CYB5R4: variants seen among roughly 807,000 people sequenced by gnomAD.
CYB5R4 encodes cytochrome b5 reductase 4, also known as N-terminal cytochrome b5 and cytochrome b5 oxidoreductase domain-containing protein.
A neutral mutation model predicts 70.2 loss-of-function variants in CYB5R4; 55 were observed. The ratio of observed to expected loss-of-function variants is 0.78; its 90% CI spans 0.63 to 0.98. The LOEUF (loss-of-function observed/expected upper bound fraction) is 0.98. CYB5R4 is among the 50% of genes least tolerant of loss of function. The probability of loss-of-function intolerance (pLI) is 0.00; values close to 1 mark genes in which losing one functional copy is unlikely to be tolerated. For synonymous variants in CYB5R4, 197 were observed against 199.5 expected (o/e 0.99, Z 0.11); for missense variants, 562 against 612.6 (o/e 0.92, Z 0.87).
intron 10 of CYB5R4, among the ~76,000 whole-genome samples, chr6:83,925,334 G>GC (rs1018287966): frequency 2.6e-5 from 4 of 151,970 alleles, no homozygotes; most frequent in Non-Finnish European, 5.9e-5. Flanking sequence ...TGAAGGATCC[G>GC]CCCCCATGCT....
At position 83,917,976 on chromosome 6, in the gene CYB5R4, A is replaced by T. The variant is rs200538689; in HGVS notation, c.446-29A>T. On this transcript the variant is annotated intron_variant, in intron 5 of 15. Coordinates refer to ENST00000369681, the MANE Select transcript of CYB5R4 (RefSeq NM_016230.4). ...ACAAAAAGTTAAAAATACTTTGTAG[A>T]TGAACTATAGCTATCTTTCTTTGTA... The T allele has an allele frequency of 1.1e-5, 17 of 1,577,444 alleles. No individual in the cohort carries two copies. The Admixed American group carries it at 1.9e-4, about 18-fold the overall frequency.
At chr6:83,886,797 A>T (rs9362017) in intron 2 of CYB5R4, among the ~76,000 whole-genome samples, 24,020 of 152,170 alleles carry the variant, frequency 0.16, 3,756 homozygotes, top group African/African-American at 0.39. Flanking sequence ...TTTTTAATAA[A>T]TTTTAAAATT....
chr6:83,907,009 A>G (rs2099463875), intron 3 of CYB5R4, among the ~76,000 whole-genome samples: 4 of 152,182 alleles, frequency 2.6e-5, no homozygotes, highest in African/African-American at 7.2e-5. Context: ...CCTGGTACCT[A>G]CATCTTTATA....
At chr6:83,954,822 C>G (rs1459826813) in intron 14 of CYB5R4, among the ~76,000 whole-genome samples, 1 of 152,050 alleles carries the variant, frequency 6.6e-6, no homozygotes, top group African/African-American at 2.4e-5. Flanking sequence ...AAACGATCCT[C>G]CTGCCTCAGC....
chr6:83,892,457 T>C (rs939703898), intron 2 of CYB5R4, among the ~76,000 whole-genome samples: 1 of 152,204 alleles, frequency 6.6e-6, no homozygotes, highest in African/African-American at 2.4e-5. Context: ...TATTGCACTT[T>C]CGTGATGTCT....
chr6:83,901,946 G>A (rs2099463045), intron 3 of CYB5R4, among the ~76,000 whole-genome samples: 1 of 151,948 alleles, frequency 6.6e-6, no homozygotes, highest in Non-Finnish European at 1.5e-5. Flanking sequence ...TAAATAGAGT[G>A]CAGATATTTT....
chr6:83,860,649 T>C (rs1429766346), intron 1 of CYB5R4, among the ~76,000 whole-genome samples: 1 of 152,210 alleles, frequency 6.6e-6, no homozygotes, highest in Non-Finnish European at 1.5e-5. Flanking sequence ...TTGTGACACT[T>C]CCACTTAACT....
intron 14 of CYB5R4, among the ~76,000 whole-genome samples, chr6:83,949,457 T>TATA (rs1376745132): frequency 1.3e-5 from 2 of 152,192 alleles, no homozygotes; most frequent in African/African-American, 2.4e-5. Context: ...TGACCCTCTC[T>TATA]ATATCACTTT....
At position 83,924,562 on chromosome 6, in the gene CYB5R4, C is replaced by G; in HGVS notation, c.784C>G (p.His262Asp). Residue 262 changes from histidine (H) to aspartate (D), a missense_variant, in exon 10 of 16, where the codon CAT (histidine) becomes GAT (aspartate). His to Asp is a moderately conservative substitution (Grantham distance 81). Coordinates refer to ENST00000369681, the MANE Select transcript of CYB5R4 (RefSeq NM_016230.4). ...WDFLGHPLKN[H>D]NSLIPRKDTG... ...CTTTCTTGGCCATCCCCTGAAGAATCATAATTCACTTATTCCAAGGAAAGA... is the reference window on the plus strand; with the variant it reads ...CTTTCTTGGCCATCCCCTGAAGAATGATAATTCACTTATTCCAAGGAAAGA... 1 of 1,613,384 alleles carries G rather than the reference C, an allele frequency of 6.2e-7. No homozygotes were observed. The highest frequency in any genetic ancestry group is 8.5e-7 in the Non-Finnish European group (1 of 1,179,588).
Position 83,966,639 on chromosome 6 carries a change from C to T in CYB5R4, c.*6761C>T, listed in dbSNP as rs6902927. 0.068 allele frequency: 10,277 copies of T among 152,064 alleles called. 1,168 individuals are homozygous for T. Among genetic ancestry groups the T allele is most frequent in the African/African-American group, 0.23 (9,673 of 41,438 alleles). 9.4% of individuals were successfully genotyped at this position (152,064 alleles called of 1,614,324 possible). A position where few individuals can be genotyped will look rare whatever the true frequency, so the allele number is the denominator to read the frequency against. ...CCGGGAGGCGGAGGTTGCGGTGAGCCGAGATTGCACCTTTGCACTCCAGCC... is the reference window on the plus strand; with the variant it reads ...CCGGGAGGCGGAGGTTGCGGTGAGCTGAGATTGCACCTTTGCACTCCAGCC... On this transcript the variant is annotated 3_prime_UTR_variant, in exon 16 of 16. Transcript: ENST00000369681.
At chr6:83,885,459 G>T (rs1448539765) in intron 2 of CYB5R4, among the ~76,000 whole-genome samples, 1 of 152,204 alleles carries the variant, frequency 6.6e-6, no homozygotes, top group Non-Finnish European at 1.5e-5. Context: ...ATTAGTGGAT[G>T]TGTGGCCTGA....
chr6:83,935,788 A>G (rs1303461039), intron 11 of CYB5R4, among the ~76,000 whole-genome samples: 1 of 152,142 alleles, frequency 6.6e-6, no homozygotes, highest in African/African-American at 2.4e-5. Flanking sequence ...TTCTCCGCCA[A>G]ATGATCCCAT....
intron 2 of CYB5R4, among the ~76,000 whole-genome samples, chr6:83,868,922 A>G (rs1257004951): frequency 2.6e-5 from 4 of 152,220 alleles, no homozygotes; most frequent in Non-Finnish European, 4.4e-5. Flanking sequence ...TTGATACTCA[A>G]TAACAGTCCA....
intron 10 of CYB5R4, among the ~76,000 whole-genome samples, chr6:83,932,301 A>G (rs1335228933): frequency 6.6e-6 from 1 of 152,128 alleles, no homozygotes; most frequent in Non-Finnish European, 1.5e-5. Flanking sequence ...TGCTGTGTCA[A>G]CTCTCTAACA....
chr6:83,956,420 AT>A (rs2099472435), intron 15 of CYB5R4, among the ~76,000 whole-genome samples: 1 of 152,170 alleles, frequency 6.6e-6, no homozygotes, highest in African/African-American at 2.4e-5. Context: ...ACATTTAAAC[AT>A]TTTCTGGTTG....
At position 83,962,018 on chromosome 6, in the gene CYB5R4, A is replaced by G. The variant is rs1282084563; in HGVS notation, c.*2140A>G. 1 of 152,132 alleles carries G rather than the reference A, an allele frequency of 6.6e-6. No homozygotes were observed. Among genetic ancestry groups the G allele is most frequent in the Non-Finnish European group, 1.5e-5 (1 of 68,026 alleles). The allele number at this position is 152,132 out of a possible 1,614,324, so 9.4% of individuals were successfully genotyped here. On this transcript the variant is annotated 3_prime_UTR_variant, in exon 16 of 16. Coordinates refer to ENST00000369681, the MANE Select transcript of CYB5R4 (RefSeq NM_016230.4). ...CACTGACATGATTTTATCAACTTAC[A>G]TGTTAATTCCCAAATGGGAGTGACT...
intron 10 of CYB5R4, among the ~76,000 whole-genome samples, chr6:83,927,508 A>G (rs1178988019): frequency 6.6e-6 from 1 of 152,202 alleles, no homozygotes. Flanking sequence ...CTTGGGTTCA[A>G]AAATTTGCTA....
At position 83,864,345 on chromosome 6, in the gene CYB5R4, A is replaced by G; in HGVS notation, c.229+17A>G. On this transcript the variant is annotated intron_variant, in intron 2 of 15. Coordinates refer to ENST00000369681, the MANE Select transcript of CYB5R4 (RefSeq NM_016230.4). ...GCATAAGAGGTAGGTGGTATTTATT[A>G]AGTCCTTCAAAAAATGTTGCCTGAA... 7.5e-6 allele frequency: 12 copies of G among 1,593,756 alleles called. No homozygotes were observed. Among genetic ancestry groups the G allele is most frequent in the Non-Finnish European group, 1.0e-5 (12 of 1,171,230 alleles).
chr6:83,864,394 A>G, intron 2 of CYB5R4, 66 bp downstream of exon 2: 1 of 1,380,632 alleles, frequency 7.2e-7, no homozygotes, highest in Non-Finnish European at 9.9e-7. Flanking sequence ...ATGTTACATA[A>G]CCTCACAGTC....
Sources: gnomAD v4.1 joint callset for allele counts (sites outside exome capture counted in the v4.1 genomes callset) on GRCh38, gnomAD v4.1.1 for gene constraint, MANE v1.5 for transcripts, NCBI Gene and HGNC (gene_info 2026-07-23, HGNC 2026-07-21) for gene names.